Variants in HECW1 observed in about 807,000 individuals in gnomAD.
HECW1 encodes E3 ubiquitin-protein ligase HECW1.
HECW1 carries 61 observed loss-of-function variants against 182.3 expected under a neutral mutation model. That is an observed-to-expected ratio of 0.33 (90% confidence interval 0.27 to 0.41). The LOEUF (loss-of-function observed/expected upper bound fraction) is 0.41. HECW1 is among the 10% of genes least tolerant of loss of function. The pLI is 1.00. For synonymous variants in HECW1, 859 were observed against 832.6 expected (o/e 1.03, Z -0.55); for missense variants, 1,739 against 2,108.9 (o/e 0.82, Z 3.44).
At chr7:43,463,359 A>G (rs113581705) in intron 13 of HECW1, among the ~76,000 whole-genome samples, 35 of 152,308 alleles carry the variant, frequency 2.3e-4, no homozygotes, top group African/African-American at 8.2e-4. Context: ...TTTTAGACTT[A>G]GCCTGATTTT....
At chr7:43,336,408 G>A (rs968885806) in intron 5 of HECW1, among the ~76,000 whole-genome samples, 1 of 151,854 alleles carries the variant, frequency 6.6e-6, no homozygotes, top group African/African-American at 2.4e-5. Flanking sequence ...GCCTCTAGTG[G>A]TCCTTCACCT....
At chr7:43,329,724 AAGG>A (rs1423368820) in intron 5 of HECW1, among the ~76,000 whole-genome samples, 2 of 152,108 alleles carry the variant, frequency 1.3e-5, no homozygotes, top group Admixed American at 1.3e-4. Context: ...ACGGCGTGCT[AAGG>A]AGAAGAACCC....
chr7:43,463,840 G>C, intron 14 of HECW1, 41 bp downstream of exon 14: 1 of 1,605,538 alleles, frequency 6.2e-7, no homozygotes, highest in Non-Finnish European at 8.5e-7. Context: ...ATGGCTTTCA[G>C]GGGCTGTGTG....
intron 8 of HECW1, among the ~76,000 whole-genome samples, chr7:43,419,826 T>C (rs1169796209): frequency 6.6e-6 from 1 of 152,238 alleles, no homozygotes; most frequent in Non-Finnish European, 1.5e-5. Context: ...ACCAGCAGTT[T>C]TGCCACGAGA....
chr7:43,469,656 A>C (rs2077936987), intron 16 of HECW1, among the ~76,000 whole-genome samples: 1 of 152,190 alleles, frequency 6.6e-6, no homozygotes, highest in African/African-American at 2.4e-5. Flanking sequence ...CTTAACCCAA[A>C]CTGGGTCTTC....
At chr7:43,501,380 G>A in intron 21 of HECW1, 58 bp downstream of exon 21, 1 of 954,322 alleles carries the variant, frequency 1.0e-6, no homozygotes, top group Non-Finnish European at 1.7e-6. Context: ...TTCCTCCAGT[G>A]AAGGTGAATG....
chr7:43,562,499 A>G lies in HECW1; in HGVS notation c.*573A>G, dbSNP rs991643052. On this transcript the variant is annotated 3_prime_UTR_variant, in exon 30 of 30. Transcript: ENST00000395891. ...GAAATTTTTATACATTCAACTCATG[A>G]TTCACATGTGGCATCAGTCCCATCA... 1 of 228,106 alleles carries G rather than the reference A, an allele frequency of 4.4e-6. No homozygotes were observed. The highest frequency in any genetic ancestry group is 2.2e-5 in the African/African-American group (1 of 45,004). 14.1% of individuals were successfully genotyped at this position (228,106 alleles called of 1,614,324 possible).
At chr7:43,117,173 T>C (rs1037802967) in intron 2 of HECW1, among the ~76,000 whole-genome samples, 1 of 152,208 alleles carries the variant, frequency 6.6e-6, no homozygotes, top group African/African-American at 2.4e-5. Flanking sequence ...ATCTCCAAAA[T>C]GTACAAAGTG....
chr7:43,470,315 A>G (rs933340617), intron 16 of HECW1, among the ~76,000 whole-genome samples: 8 of 152,226 alleles, frequency 5.3e-5, no homozygotes, highest in Non-Finnish European at 1.0e-4. Flanking sequence ...CCACGTTTAC[A>G]TTTATTGCTT....
In HECW1 at chr7:43,445,079, A is replaced by G. The variant is rs1197319620; in HGVS notation, c.1907A>G (p.His636Arg). 6.2e-7 allele frequency: 1 copy of G among 1,600,446 alleles called. No individual in the cohort carries two copies. Among genetic ancestry groups the G allele is most frequent in the Middle Eastern group, 1.7e-4 (1 of 6,028 alleles). ...GTAHPGHSGG[H>R]FPSLANGAAQ... ...GCGCACCCTGGCCACTCCGGGGGCCACTTCCCCAGCCTGGCCAATGGCGCG... is the reference window on the plus strand; with the variant it reads ...GCGCACCCTGGCCACTCCGGGGGCCGCTTCCCCAGCCTGGCCAATGGCGCG... Residue 636 changes from histidine to arginine, a missense_variant, in exon 11 of 30, where the codon CAC becomes CGC. By Grantham distance (29) the His-to-Arg change is conservative (BLOSUM62 0). Transcript: ENST00000395891.
chr7:43,536,890 T>C (rs952793440), intron 24 of HECW1, among the ~76,000 whole-genome samples: 11 of 152,070 alleles, frequency 7.2e-5, no homozygotes, highest in Non-Finnish European at 1.3e-4. Flanking sequence ...CCTGGCAAAG[T>C]AAAACTGAGC....
At chr7:43,468,525 C>CTTT (rs141068199) in intron 15 of HECW1, among the ~76,000 whole-genome samples, 1 of 145,866 alleles carries the variant, frequency 6.9e-6, no homozygotes, top group Non-Finnish European at 1.5e-5. Flanking sequence ...TGCACATTCA[C>CTTT]TTTTTTTTTT....
chr7:43,311,431 T>C (rs919389323), intron 3 of HECW1, among the ~76,000 whole-genome samples: 10 of 152,160 alleles, frequency 6.6e-5, no homozygotes, highest in African/African-American at 2.2e-4. Flanking sequence ...TGGCATTTGG[T>C]TGGGGAATAG....
At chr7:43,225,586 G>A (rs905231929) in intron 2 of HECW1, among the ~76,000 whole-genome samples, 2 of 152,042 alleles carry the variant, frequency 1.3e-5, no homozygotes, top group African/African-American at 2.4e-5. Flanking sequence ...CAGAAAACCC[G>A]AGATGCCTAT....
chr7:43,473,035 G>T (rs1415115260), intron 16 of HECW1, among the ~76,000 whole-genome samples: 2 of 152,186 alleles, frequency 1.3e-5, no homozygotes, highest in East Asian at 3.8e-4. Context: ...GAAGGTGTTT[G>T]GGTCACAGGG....
intron 17 of HECW1, chr7:43,484,681 A>C (rs1034705056): frequency 6.6e-6 from 1 of 152,240 alleles, no homozygotes; most frequent in African/African-American, 2.4e-5. Context: ...AAACATTGTT[A>C]AAAATATTTT....
chr7:43,199,024 G>A (rs77131115), intron 2 of HECW1, among the ~76,000 whole-genome samples: 199 of 152,282 alleles, frequency 1.3e-3, no homozygotes, highest in Middle Eastern at 6.8e-3. Context: ...AGCCTGGTAT[G>A]ACCACAAATC....
chr7:43,142,806 G>A (rs771513568), intron 2 of HECW1, among the ~76,000 whole-genome samples: 35 of 152,178 alleles, frequency 2.3e-4, no homozygotes, highest in Non-Finnish European at 3.8e-4. Flanking sequence ...GCGGGGTTCC[G>A]GCTTGTCTTG....
chr7:43,523,142 T>C (rs1049821517), intron 24 of HECW1: 5 of 342,298 alleles, frequency 1.5e-5, no homozygotes, highest in Non-Finnish European at 2.4e-5. Flanking sequence ...TAGCTGGGAT[T>C]ACAGGTGTGT....
Sources: gnomAD v4.1 joint callset for allele counts (sites outside exome capture counted in the v4.1 genomes callset) on GRCh38, gnomAD v4.1.1 for gene constraint, MANE v1.5 for transcripts, NCBI Gene and HGNC (gene_info 2026-07-23, HGNC 2026-07-21) for gene names.